ASXL2: variants seen among roughly 807,000 people sequenced by gnomAD.
ASXL2 encodes the protein ASXL transcriptional regulator 2.
Under a neutral mutation model 122.0 loss-of-function variants are expected in ASXL2, and 23 were observed. That is an observed-to-expected ratio of 0.19 (90% confidence interval 0.14 to 0.27). ASXL2 has a LOEUF of 0.27. ASXL2 is among the 10% of genes least tolerant of loss of function. The probability of loss-of-function intolerance (pLI) is 1.00; values close to 1 mark genes in which losing one functional copy is unlikely to be tolerated. For missense variants in ASXL2, 1,518 were observed against 1,713.8 expected (o/e 0.89, Z 2.02); for synonymous variants, 650 against 637.0 (o/e 1.02, Z -0.31).
At chr2:25,859,169 A>C in intron 1 of ASXL2, among the ~76,000 whole-genome samples, 1 of 132,456 alleles carries the variant, frequency 7.5e-6, no homozygotes, top group East Asian at 2.0e-4. Context: ...TTGAATTGCT[A>C]GGCTCAAGTT....
rs569828649 is a variant in ASXL2, at chr2:25,856,900, C to G, written c.58-11337G>C. ...TGGTCAAAGGGGTCCTCGATGGAGA[C>G]GAGTCTAGGTGGCAGCTGGGACAGT... On this transcript the variant is annotated intron_variant, in intron 1 of 12. Transcript: ENST00000435504. 5.5e-5 allele frequency: 37 copies of G among 676,330 alleles called. No homozygotes were observed. The East Asian group carries it at 9.4e-4, about 17-fold the overall frequency. 41.9% of individuals were successfully genotyped at this position (676,330 alleles called of 1,614,324 possible).
chr2:25,812,825 C>T (rs1370723080), intron 3 of ASXL2, among the ~76,000 whole-genome samples: 2 of 152,162 alleles, frequency 1.3e-5, no homozygotes, highest in African/African-American at 4.8e-5. Flanking sequence ...TAGAAATCAA[C>T]AACAGCCATG....
chr2:25,779,761 TTAACTA>T (rs1415074224), intron 5 of ASXL2, among the ~76,000 whole-genome samples: 10 of 152,246 alleles, frequency 6.6e-5, no homozygotes, highest in African/African-American at 2.2e-4. Context: ...GCTCTCTTCC[TTAACTA>T]TATTACTCTA....
rs182158027 is a variant in ASXL2 at position 25,837,300 on chromosome 2, G to A, written c.141-1760C>T. Among the ~76,000 whole-genome samples, 631 of 152,254 alleles carry A rather than the reference G, an allele frequency of 4.1e-3. 8 individuals are homozygous for A. Among genetic ancestry groups the A allele is most frequent in the Admixed American group, 0.01 (158 of 15,284 alleles). On this transcript the variant is annotated intron_variant, in intron 2 of 12. Coordinates refer to ENST00000435504, the MANE Select transcript of ASXL2 (RefSeq NM_018263.6). ...TAGGCATGGTTTCAAAGAATATTCAGGGCGTGTATTCTGTCAACAGTGTGT... is the reference window on the plus strand; with the variant it reads ...TAGGCATGGTTTCAAAGAATATTCAAGGCGTGTATTCTGTCAACAGTGTGT...
intron 5 of ASXL2, among the ~76,000 whole-genome samples, chr2:25,778,563 T>C (rs1391974085): frequency 6.6e-6 from 1 of 152,180 alleles, no homozygotes; most frequent in African/African-American, 2.4e-5. Context: ...ACCAATAAGT[T>C]CTCACAGATA....
intron 5 of ASXL2, among the ~76,000 whole-genome samples, chr2:25,783,509 T>TA (rs11370153): frequency 0.32 from 48,851 of 151,996 alleles, 8,396 homozygotes; most frequent in African/African-American, 0.41. Context: ...TTCCACCATT[T>TA]TTTTTATTAT....
At position 25,750,245 on chromosome 2, in the gene ASXL2, T is replaced by A; in HGVS notation, c.1311A>T (p.Gln437His). The A allele has an allele frequency of 6.2e-7, 1 of 1,613,984 alleles. No homozygotes were observed. ...CTTCTTTTCTGCCTGGTGATGACATTTGCAATGCTTCTTCTTTACACTCTG... is the reference window on the plus strand; with the variant it reads ...CTTCTTTTCTGCCTGGTGATGACATATGCAATGCTTCTTCTTTACACTCTG... ...SQSECKEEALQMSSPGRKEEC... is the reference protein window; with the variant it reads ...SQSECKEEALHMSSPGRKEEC... The change falls in exon 12 of 13, where the codon CAA becomes CAT. Residue 437 changes from glutamine (Q) to histidine (H), a missense_variant. Gln to His is a conservative substitution (Grantham distance 24). Around this residue, in one of 8 missense-constraint regions of ASXL2, gnomAD observed 292 missense variants for 293.5 expected, o/e 1.00. Transcript: ENST00000435504.
chr2:25,779,665 C>T (rs2088602695), intron 5 of ASXL2, among the ~76,000 whole-genome samples: 1 of 152,126 alleles, frequency 6.6e-6, no homozygotes, highest in Non-Finnish European at 1.5e-5. Flanking sequence ...ATTTGACATA[C>T]TTGTTTGCTT....
In ASXL2 at chr2:25,741,204, AT is replaced by A; in HGVS notation, c.*824del. On this transcript the variant is annotated 3_prime_UTR_variant, in exon 13 of 13. Coordinates refer to ENST00000435504, the MANE Select transcript of ASXL2 (RefSeq NM_018263.6). The stretch of plus-strand genomic sequence containing the variant: ...GAATGACTAAGTGCGGGGATAGGGT[AT>A]TTTTGCTGGAATTGTTGCACTGCAC... The A allele has an allele frequency of 4.5e-6, 1 of 224,096 alleles. No homozygotes were observed. Among genetic ancestry groups the A allele is most frequent in the Non-Finnish European group, 8.9e-6 (1 of 112,410 alleles). The allele number at this position is 224,096 out of a possible 1,614,324, so 13.9% of individuals were successfully genotyped here.
intron 9 of ASXL2, among the ~76,000 whole-genome samples, chr2:25,756,466 A>AAAG (rs1559502077): frequency 2.5e-5 from 2 of 80,934 alleles, no homozygotes; most frequent in South Asian, 3.7e-4. Flanking sequence ...AAAAAAAAAG[A>AAAG]AAAAAAAAAG....
chr2:25,736,672 C>T lies in ASXL2; in HGVS notation c.*5357G>A, dbSNP rs911804892. The stretch of plus-strand genomic sequence containing the variant: ...GAAAAAAAAAAAAAGCCAATGTATC[C>T]TTACATTAACTTCCAAAATATATTT... On this transcript the variant is annotated 3_prime_UTR_variant, in exon 13 of 13. Coordinates refer to ENST00000435504, the MANE Select transcript of ASXL2 (RefSeq NM_018263.6). 9.3e-5 allele frequency: 14 copies of T among 151,172 alleles called. No homozygotes were observed. Among genetic ancestry groups the T allele is most frequent in the Non-Finnish European group, 2.9e-5 (2 of 67,870 alleles). The allele number at this position is 151,172 out of a possible 1,614,324, so 9.4% of individuals were successfully genotyped here.
At chr2:25,867,147 G>A (rs577827040) in intron 1 of ASXL2, among the ~76,000 whole-genome samples, 16 of 152,214 alleles carry the variant, frequency 1.1e-4, no homozygotes, top group South Asian at 2.1e-4. Flanking sequence ...TGATCCGCCC[G>A]CCTTGGCCTC....
chr2:25,815,779 T>G (rs926037378), intron 3 of ASXL2, among the ~76,000 whole-genome samples: 1 of 152,174 alleles, frequency 6.6e-6, no homozygotes, highest in African/African-American at 2.4e-5. Context: ...TTTTTTTCAC[T>G]TGCATTAAAT....
At chr2:25,850,655 CTTA>C (rs1366201831) in intron 1 of ASXL2, among the ~76,000 whole-genome samples, 3 of 152,174 alleles carry the variant, frequency 2.0e-5, no homozygotes, top group Non-Finnish European at 2.9e-5. Context: ...ATCTGATCCA[CTTA>C]TTATAAAGTT....
At chr2:25,765,518 G>T (rs745572129) in intron 8 of ASXL2, among the ~76,000 whole-genome samples, 1 of 152,030 alleles carries the variant, frequency 6.6e-6, no homozygotes, top group East Asian at 1.9e-4. Flanking sequence ...AGTCATTGTG[G>T]CTATGTTACA....
chr2:25,871,400 A>G (rs1280643264), intron 1 of ASXL2, among the ~76,000 whole-genome samples: 1 of 152,188 alleles, frequency 6.6e-6, no homozygotes, highest in African/African-American at 2.4e-5. Flanking sequence ...TATTTTCTCA[A>G]CGCCTTTCAG....
chr2:25,768,311 A>T (rs902637664), intron 7 of ASXL2, among the ~76,000 whole-genome samples: 21 of 151,312 alleles, frequency 1.4e-4, no homozygotes, highest in African/African-American at 4.9e-4. Context: ...CAGTGCTAAC[A>T]TTTTTTTTTG....
intron 3 of ASXL2, among the ~76,000 whole-genome samples, chr2:25,831,069 C>T (rs527588804): frequency 1.3e-5 from 2 of 152,230 alleles, no homozygotes; most frequent in African/African-American, 4.8e-5. Flanking sequence ...TTTGTAATCC[C>T]AGCACTCTGG....
intron 5 of ASXL2, among the ~76,000 whole-genome samples, chr2:25,777,189 A>G (rs1395136605): frequency 6.6e-6 from 1 of 152,174 alleles, no homozygotes; most frequent in Non-Finnish European, 1.5e-5. Context: ...CCGAGGCTCA[A>G]GCAATCTCCT....
Sources: gnomAD v4.1 joint callset for allele counts (sites outside exome capture counted in the v4.1 genomes callset) on GRCh38, gnomAD v4.1.1 for gene constraint, gnomAD v4.1.1 regional missense constraint, MANE v1.5 for transcripts, NCBI Gene and HGNC (gene_info 2026-07-23, HGNC 2026-07-21) for gene names.